Variants in OSBPL1A observed in about 807,000 individuals in gnomAD.
OSBPL1A encodes oxysterol binding protein like 1A.
A neutral mutation model predicts 137.1 loss-of-function variants in OSBPL1A; 80 were observed. That is an observed-to-expected ratio of 0.58 (90% confidence interval 0.49 to 0.70). The LOEUF is 0.70. Among genes scored for constraint, OSBPL1A ranks in the 30% least tolerant of loss-of-function variants. The pLI, the probability that OSBPL1A is intolerant of heterozygous loss-of-function variation, is 0.00. For synonymous variants in OSBPL1A, 365 were observed against 389.7 expected, an observed-to-expected ratio of 0.94 and a Z score of 0.75; for missense variants, 970 against 1,129.4, an observed-to-expected ratio of 0.86 and a Z score of 2.02.
At chr18:24,224,333 AC>A (rs2087995569) in intron 17 of OSBPL1A, among the ~76,000 whole-genome samples, 1 of 152,144 alleles carries the variant, frequency 6.6e-6, no homozygotes, top group Non-Finnish European at 1.5e-5. Context: ...ATAACTCCTT[AC>A]CCAAAAAGTA....
chr18:24,320,491 G>T lies in OSBPL1A; in HGVS notation c.626-1682C>A, dbSNP rs183821043. 2.6e-5 allele frequency among the ~76,000 whole-genome samples: 4 copies of T among 152,104 alleles called. 1 individual carries two copies. Among genetic ancestry groups the T allele is most frequent in the Admixed American group, 2.6e-4 (4 of 15,272 alleles). On this transcript the variant is annotated intron_variant, in intron 7 of 27. Coordinates refer to ENST00000319481, the MANE Select transcript of OSBPL1A (RefSeq NM_080597.4). ...TCCAGCCTTGTGAAAATACAGGGAA[G>T]GACATTCTAGCAGAGGAACAGCTGA...
At chr18:24,204,072 G>C (rs898492171) in intron 17 of OSBPL1A, among the ~76,000 whole-genome samples, 8 of 152,100 alleles carry the variant, frequency 5.3e-5, no homozygotes, top group African/African-American at 1.7e-4. Flanking sequence ...AAAACTGCTG[G>C]GTCAAGGAGT....
intron 15 of OSBPL1A, among the ~76,000 whole-genome samples, chr18:24,259,754 A>C (rs763115989): frequency 1.4e-4 from 22 of 152,228 alleles, no homozygotes; most frequent in Non-Finnish European, 1.8e-4. Flanking sequence ...ACCACAGGCT[A>C]TTCTGATATG....
At chr18:24,306,609 A>G (rs546325003) in intron 13 of OSBPL1A, among the ~76,000 whole-genome samples, 152 of 152,298 alleles carry the variant, frequency 1.0e-3, no homozygotes, top group African/African-American at 3.5e-3. Context: ...TGACATTGTC[A>G]TTATATCAGT....
rs930343266 is a variant in OSBPL1A, at chr18:24,199,875, C to T, written c.1602-3675G>A. Among the ~76,000 whole-genome samples the T allele has an allele frequency of 3.3e-5, 5 of 152,096 alleles. No homozygotes were observed. In the East Asian group the frequency reaches 9.6e-4, roughly 29 times the overall value. ...ACCAAGGATGCTGCTAAACATCATG[C>T]CAGGAACAAGACAGGCTCCACAACA... On this transcript the variant is annotated intron_variant, in intron 17 of 27. Transcript: ENST00000319481.
chr18:24,237,704 T>G (rs1388007109), intron 16 of OSBPL1A, among the ~76,000 whole-genome samples: 1 of 152,198 alleles, frequency 6.6e-6, no homozygotes. Context: ...CTAGCATCCC[T>G]CTTGTAATTT....
chr18:24,383,417 T>A (rs1192529265), intron 1 of OSBPL1A, among the ~76,000 whole-genome samples: 2 of 152,164 alleles, frequency 1.3e-5, no homozygotes, highest in Non-Finnish European at 2.9e-5. Flanking sequence ...GAAAAAAAGA[T>A]TAAAAAAATT....
intron 11 of OSBPL1A, among the ~76,000 whole-genome samples, chr18:24,316,483 C>A (rs972863227): frequency 6.6e-6 from 1 of 151,800 alleles, no homozygotes; most frequent in Non-Finnish European, 1.5e-5. Flanking sequence ...AGACACCATG[C>A]GAACAGTAAA....
chr18:24,273,430 T>C (rs967331083), intron 15 of OSBPL1A, among the ~76,000 whole-genome samples: 10 of 152,224 alleles, frequency 6.6e-5, no homozygotes, highest in Admixed American at 3.9e-4. Flanking sequence ...GCAATCTACA[T>C]GGCTCCTAAA....
intron 26 of OSBPL1A, among the ~76,000 whole-genome samples, 190 bp from the exon 27 acceptor site, chr18:24,165,345 G>A (rs576033089): frequency 5.3e-5 from 8 of 152,300 alleles, no homozygotes; most frequent in South Asian, 4.1e-4. Flanking sequence ...GGCAGAGCTG[G>A]TATCACAGAC....
chr18:24,189,971 C>G (rs1295252239), intron 18 of OSBPL1A, among the ~76,000 whole-genome samples: 2 of 152,214 alleles, frequency 1.3e-5, no homozygotes. Flanking sequence ...GTGTGGGCAC[C>G]TCAGTGCAAC....
chr18:24,392,753 C>CA (rs1306411666), intron 1 of OSBPL1A, among the ~76,000 whole-genome samples: 1 of 152,092 alleles, frequency 6.6e-6, no homozygotes, highest in African/African-American at 2.4e-5. Context: ...TGCAGTGGCA[C>CA]AATCGTGGCT....
At chr18:24,300,654 T>C (rs998794856) in intron 14 of OSBPL1A, among the ~76,000 whole-genome samples, 2 of 152,204 alleles carry the variant, frequency 1.3e-5, no homozygotes, top group Non-Finnish European at 1.5e-5. Flanking sequence ...AAGAAGGAAG[T>C]GATCTGGGTC....
chr18:24,284,196 A>T (rs2090023218), intron 14 of OSBPL1A, among the ~76,000 whole-genome samples: 1 of 151,736 alleles, frequency 6.6e-6, no homozygotes, highest in African/African-American at 2.4e-5. Context: ...CATGCTTCTT[A>T]TAGAATTATG....
rs1454886408 is a variant in OSBPL1A at position 24,290,280 on chromosome 18, G to C, written c.1175-9332C>G. Among the ~76,000 whole-genome samples the C allele has an allele frequency of 4.6e-5, 7 of 152,154 alleles. No individual in the cohort carries two copies. In the South Asian group the frequency reaches 8.3e-4, roughly 18 times the overall value. Reference sequence around the variant, plus strand: ...AAATCCCAGATATGCTAGAAAGAAAGAAACAAACAAAAGGCAAGGCTGATG... The same window carrying C: ...AAATCCCAGATATGCTAGAAAGAAACAAACAAACAAAAGGCAAGGCTGATG... On this transcript the variant is annotated intron_variant, in intron 14 of 27. Coordinates refer to ENST00000319481, the MANE Select transcript of OSBPL1A (RefSeq NM_080597.4).
intron 1 of OSBPL1A, among the ~76,000 whole-genome samples, chr18:24,394,092 G>T (rs1907562644): frequency 6.6e-6 from 1 of 152,182 alleles, no homozygotes; most frequent in Non-Finnish European, 1.5e-5. Context: ...TCTCCCACAG[G>T]AGAAATGATG....
In OSBPL1A at chr18:24,178,063, C is replaced by T. The variant is rs2086495619; in HGVS notation, c.2043G>A (p.Gly681=). The T allele has an allele frequency of 6.2e-7, 1 of 1,613,892 alleles. No individual in the cohort carries two copies. The highest frequency in any genetic ancestry group is 1.1e-5 in the South Asian group (1 of 91,062). Residue 681 remains glycine (G), a synonymous_variant, in exon 21 of 28, where the codon GGG becomes GGA. Coordinates refer to ENST00000319481, the MANE Select transcript of OSBPL1A (RefSeq NM_080597.4). ...CTTTGGGTTCTGCTTCTACACTCTT[C>T]CCCCAGAATTTCAGTTTGGGATAGA... ...GSIYPKLKFW[G]KSVEAEPKGT...
intron 21 of OSBPL1A, among the ~76,000 whole-genome samples, chr18:24,175,346 T>C (rs1414215121): frequency 6.6e-6 from 1 of 151,260 alleles, no homozygotes; most frequent in Non-Finnish European, 1.5e-5. Flanking sequence ...TCACCAAACC[T>C]GGCTATTTTT....
intron 2 of OSBPL1A, among the ~76,000 whole-genome samples, chr18:24,370,553 C>G (rs1052084943): frequency 6.6e-6 from 1 of 152,174 alleles, no homozygotes; most frequent in African/African-American, 2.4e-5. Context: ...TGGGCGCCAT[C>G]ATCACCCCTG....
Sources: gnomAD v4.1 joint callset for allele counts (sites outside exome capture counted in the v4.1 genomes callset) on GRCh38, gnomAD v4.1.1 for gene constraint, MANE v1.5 for transcripts, NCBI Gene and HGNC (gene_info 2026-07-23, HGNC 2026-07-21) for gene names.